The following SLMAP variants were observed in gnomAD, a reference collection of about 807,000 sequenced individuals.
SLMAP encodes the protein sarcolemma associated protein.
A neutral mutation model predicts 128.8 loss-of-function variants in SLMAP; 44 were observed. The ratio of observed to expected loss-of-function variants is 0.34; its 90% CI spans 0.27 to 0.44. SLMAP has a LOEUF of 0.44. Ranked by LOEUF, SLMAP falls within the 20% of genes least tolerant of loss-of-function variation. SLMAP has a pLI of 1.00. For synonymous variants in SLMAP, 327 were observed against 348.8 expected, an observed-to-expected ratio of 0.94 and a Z score of 0.70; for missense variants, 787 against 985.3, an observed-to-expected ratio of 0.80 and a Z score of 2.69.
In SLMAP at chr3:57,836,358, A is replaced by G. The variant is rs548760370; in HGVS notation, c.346+4828A>G. Among the ~76,000 whole-genome samples, 5 of 152,332 alleles carry G rather than the reference A, an allele frequency of 3.3e-5. No individual in the cohort carries two copies. In the South Asian group the frequency reaches 1.0e-3, roughly 32 times the overall value. On this transcript the variant is annotated intron_variant, in intron 3 of 24. Coordinates refer to ENST00000671191, the MANE Select transcript of SLMAP (RefSeq NM_001377540.1). ...ATTTGTGTATATGTTAAAAAATTTC[A>G]GAAAAAGAATATATATAATATGTAA...
At chr3:57,912,082 A>G (rs1014506887) in intron 19 of SLMAP, among the ~76,000 whole-genome samples, 1 of 152,156 alleles carries the variant, frequency 6.6e-6, no homozygotes, top group Admixed American at 6.5e-5. Context: ...GGAACACTGC[A>G]TTTATTGTGA....
At chr3:57,853,955 TTA>T (rs1157170350) in intron 6 of SLMAP, among the ~76,000 whole-genome samples, 1,060 of 31,826 alleles carry the variant, frequency 0.033, 23 homozygotes, top group African/African-American at 0.046. Flanking sequence ...AAAAAAAAAA[TTA>T]TATATATATA....
intron 2 of SLMAP, among the ~76,000 whole-genome samples, chr3:57,789,194 A>G (rs1020051078): frequency 5.3e-5 from 8 of 152,190 alleles, no homozygotes; most frequent in African/African-American, 1.7e-4. Context: ...ATTCAATGAC[A>G]CTTGTTAAAG....
Position 57,929,169 on chromosome 3 carries a change from C to T in SLMAP, c.*1880C>T, listed in dbSNP as rs2097047253. 6.6e-6 allele frequency: 1 copy of T among 152,592 alleles called. No individual in the cohort carries two copies. The allele number at this position is 152,592 out of a possible 1,614,324, so 9.5% of individuals were successfully genotyped here. A position where few individuals can be genotyped will look rare whatever the true frequency, so the allele number is the denominator to read the frequency against. On this transcript the variant is annotated 3_prime_UTR_variant, in exon 25 of 25. Coordinates refer to ENST00000671191, the MANE Select transcript of SLMAP (RefSeq NM_001377540.1). ...TAATAAAATAACTTTACTCTCCCTA[C>T]GCATGTTTGAGTTGAATATCATTGA...
At chr3:57,904,125 A>ATAATAAC (rs1263085904) in intron 17 of SLMAP, among the ~76,000 whole-genome samples, 1,922 of 152,320 alleles carry the variant, frequency 0.013, 28 homozygotes, top group African/African-American at 0.044. Flanking sequence ...ATTTGTTTGA[A>ATAATAAC]TATAGTCAGA....
chr3:57,867,682 A>G (rs1265907382), intron 13 of SLMAP, among the ~76,000 whole-genome samples: 2 of 152,194 alleles, frequency 1.3e-5, no homozygotes, highest in African/African-American at 4.8e-5. Context: ...ATAATGAACC[A>G]ATTTTCAAGT....
chr3:57,871,009 G>C (rs189571623), intron 13 of SLMAP, among the ~76,000 whole-genome samples: 7 of 152,126 alleles, frequency 4.6e-5, no homozygotes, highest in Non-Finnish European at 8.8e-5. Context: ...AATTCTGTTT[G>C]ACTTGAGCAA....
In SLMAP at chr3:57,782,091, G is replaced by A. The variant is rs146470606; in HGVS notation, c.198+24242G>A. Among the ~76,000 whole-genome samples, 646 of 152,028 alleles carry A rather than the reference G, an allele frequency of 4.2e-3. 6 individuals carry two copies. The highest frequency in any genetic ancestry group is 0.015 in the African/African-American group (627 of 41,472). The stretch of plus-strand genomic sequence containing the variant: ...TTCAGATTTATACTCTTTTATTTTG[G>A]GACTTACATTTGATTATTTGTTGGA... On this transcript the variant is annotated intron_variant, in intron 2 of 24. Transcript: ENST00000671191.
At chr3:57,780,441 A>C (rs1011015704) in intron 2 of SLMAP, among the ~76,000 whole-genome samples, 1 of 152,136 alleles carries the variant, frequency 6.6e-6, no homozygotes, top group Admixed American at 6.5e-5. Context: ...CACCATGCCC[A>C]GCTTCAACAC....
chr3:57,908,198 C>G (rs1282015074), intron 18 of SLMAP, among the ~76,000 whole-genome samples, 192 bp downstream of exon 18: 1 of 152,178 alleles, frequency 6.6e-6, no homozygotes, highest in Non-Finnish European at 1.5e-5. Flanking sequence ...TACAGTTGCT[C>G]TACCTTCACA....
intron 14 of SLMAP, among the ~76,000 whole-genome samples, chr3:57,880,602 G>A (rs2095711144): frequency 6.6e-6 from 1 of 151,466 alleles, no homozygotes. Flanking sequence ...TTAAGGCCAT[G>A]TACAGTGGCT....
chr3:57,820,763 C>T (rs1190008468), intron 2 of SLMAP, among the ~76,000 whole-genome samples: 4 of 152,176 alleles, frequency 2.6e-5, no homozygotes, highest in Non-Finnish European at 5.9e-5. Flanking sequence ...GGTCCTGCTC[C>T]TCCTGGTCCA....
At chr3:57,863,948 CT>C (rs941053548) in intron 10 of SLMAP, among the ~76,000 whole-genome samples, 5 of 152,240 alleles carry the variant, frequency 3.3e-5, no homozygotes, top group African/African-American at 1.2e-4. Context: ...TCTTACTTCC[CT>C]CTTTAAAAAT....
intron 20 of SLMAP, 87 bp from the exon 21 acceptor site, chr3:57,913,071 T>A: frequency 1.5e-6 from 1 of 676,690 alleles, no homozygotes; most frequent in Admixed American, 2.5e-5. Flanking sequence ...AAAAGTATGT[T>A]CTCCTCTGAA....
chr3:57,867,597 A>G (rs2095341678), intron 13 of SLMAP, among the ~76,000 whole-genome samples: 1 of 152,196 alleles, frequency 6.6e-6, no homozygotes, highest in Admixed American at 6.5e-5. Context: ...AAATTTCTAG[A>G]TGTACACGAA....
At chr3:57,865,129 A>G (rs1575428935) in intron 12 of SLMAP, 113 bp from the exon 13 acceptor site, 1 of 624,096 alleles carries the variant, frequency 1.6e-6, no homozygotes, top group East Asian at 2.9e-5. Context: ...ATCCCTTTTA[A>G]AGTGTTCTAT....
At chr3:57,849,201 T>C (rs1174170295) in intron 5 of SLMAP, among the ~76,000 whole-genome samples, 1 of 152,154 alleles carries the variant, frequency 6.6e-6, no homozygotes, top group African/African-American at 2.4e-5. Flanking sequence ...TTTTTGTTTG[T>C]TTTTCTTTTT....
chr3:57,858,254 C>A, intron 8 of SLMAP, 95 bp downstream of exon 8: 1 of 734,216 alleles, frequency 1.4e-6, no homozygotes, highest in South Asian at 1.6e-5. Context: ...CTAAAAACTT[C>A]ATACATTTCC....
At chr3:57,848,581 GCTCCCTCCT>G (rs145815038) in intron 5 of SLMAP, among the ~76,000 whole-genome samples, 36,846 of 131,670 alleles carry the variant, frequency 0.28, 4,999 homozygotes, top group East Asian at 0.49. Context: ...TCCTCTTCCT[GCTCCCTCCT>G]CTTCCTCCTT....
Sources: gnomAD v4.1 joint callset for allele counts (sites outside exome capture counted in the v4.1 genomes callset) on GRCh38, gnomAD v4.1.1 for gene constraint, MANE v1.5 for transcripts, NCBI Gene and HGNC (gene_info 2026-07-23, HGNC 2026-07-21) for gene names.